ARFGEF3: variants seen among roughly 807,000 people sequenced by gnomAD.
The protein encoded by ARFGEF3 is brefeldin A-inhibited guanine nucleotide-exchange protein 3.
ARFGEF3 carries 96 observed loss-of-function variants against 221.7 expected under a neutral mutation model. That is an observed-to-expected ratio of 0.43 (90% CI 0.37 to 0.51). ARFGEF3 has a LOEUF of 0.51. ARFGEF3 is among the 20% of genes least tolerant of loss of function. The pLI is 0.00. For synonymous variants in ARFGEF3, 1,145 were observed against 1,126.8 expected (o/e 1.02, Z -0.32); for missense variants, 2,410 against 2,789.9 (o/e 0.86, Z 3.07).
At chr6:138,298,938 A>C (rs549471717) in intron 22 of ARFGEF3, among the ~76,000 whole-genome samples, 153 bp downstream of exon 22, 52 of 152,228 alleles carry the variant, frequency 3.4e-4, no homozygotes, top group Non-Finnish European at 5.6e-4. Context: ...GGTGGCTCAC[A>C]CCTGTAATCC....
At chr6:138,303,860 C>CA (rs140349507) in intron 22 of ARFGEF3, among the ~76,000 whole-genome samples, 909 of 20,524 alleles carry the variant, frequency 0.044, 177 homozygotes, top group African/African-American at 0.09. Flanking sequence ...GACTCCGTCT[C>CA]AAAAAAAAAA....
chr6:138,273,133 C>A (rs1274742454), intron 12 of ARFGEF3, among the ~76,000 whole-genome samples: 2 of 151,776 alleles, frequency 1.3e-5, no homozygotes, highest in Admixed American at 6.6e-5. Context: ...AGTGTGATCT[C>A]GCTTTGTGGT....
intron 29 of ARFGEF3, among the ~76,000 whole-genome samples, chr6:138,322,196 A>G (rs1183592282): frequency 6.6e-6 from 1 of 152,140 alleles, no homozygotes; most frequent in Non-Finnish European, 1.5e-5. Context: ...TGCCTGCCTG[A>G]CTGTTTGAGC....
intron 27 of ARFGEF3, among the ~76,000 whole-genome samples, chr6:138,317,741 T>A (rs1779951614): frequency 6.6e-6 from 1 of 152,212 alleles, no homozygotes; most frequent in Non-Finnish European, 1.5e-5. Flanking sequence ...CACAGTCACA[T>A]GCTCTTGGCC....
Position 138,262,712 on chromosome 6 carries a change from G to A in ARFGEF3, c.1229G>A (p.Gly410Asp), listed in dbSNP as rs1213064095. 6.2e-7 allele frequency: 1 copy of A among 1,601,970 alleles called. No individual in the cohort carries two copies. Among genetic ancestry groups the A allele is most frequent in the East Asian group, 2.2e-5 (1 of 44,550 alleles). The part of the protein sequence containing the change: ...HLDLLKLIMD[G>D]MTEACIKGGI... ...TGAACACTGTTTAGCATCATGGATG[G>A]CATGACCGAAGCATGCATCAAGGGT... Residue 410 changes from glycine (G) to aspartate (D), a missense_variant, in exon 12 of 34, where the codon GGC (glycine) becomes GAC (aspartate). Around this residue, in one of 5 missense-constraint regions of ARFGEF3, gnomAD observed 570 missense variants for 586.9 expected, o/e 0.97. Coordinates refer to ENST00000251691, the MANE Select transcript of ARFGEF3 (RefSeq NM_020340.5).
intron 4 of ARFGEF3, among the ~76,000 whole-genome samples, chr6:138,213,627 A>G (rs1777777920): frequency 6.6e-6 from 1 of 151,896 alleles, no homozygotes; most frequent in African/African-American, 2.4e-5. Flanking sequence ...TGGAATCGAA[A>G]AAAGTTGATC....
intron 2 of ARFGEF3, among the ~76,000 whole-genome samples, chr6:138,172,422 C>A (rs1436937517): frequency 1.3e-5 from 2 of 152,176 alleles, no homozygotes; most frequent in African/African-American, 2.4e-5. Context: ...CACCTGTTAC[C>A]CACCTGTGTC....
At chr6:138,194,398 C>T (rs577518180) in intron 2 of ARFGEF3, among the ~76,000 whole-genome samples, 3 of 152,276 alleles carry the variant, frequency 2.0e-5, no homozygotes, top group South Asian at 2.1e-4. Flanking sequence ...GGCGGAAGGG[C>T]GCTGCTCCTG....
intron 4 of ARFGEF3, among the ~76,000 whole-genome samples, chr6:138,221,142 T>C (rs1399487046): frequency 2.0e-5 from 3 of 152,150 alleles, no homozygotes; most frequent in Non-Finnish European, 4.4e-5. Context: ...CTATAAGGTC[T>C]TTCATTTTCT....
chr6:138,334,662 T>C lies in ARFGEF3; in HGVS notation c.5816T>C (p.Ile1939Thr). Residue 1939 changes from isoleucine (I) to threonine (T), a missense_variant, in exon 33 of 34, where the codon ATC becomes ACC. Physicochemically the swap from Ile to Thr is moderately conservative, Grantham distance 89 (BLOSUM62 -1). Coordinates refer to ENST00000251691, the MANE Select transcript of ARFGEF3 (RefSeq NM_020340.5). This position sits in a 1 kb window ranked among gnomAD's most constrained non-coding sequence, Gnocchi z 5.1. ...PPIFKGDPFF[I>T]LPSFQSESST... The stretch of plus-strand genomic sequence containing the variant: ...ATCTTCAAGGGCGACCCGTTCTTCA[T>C]CCTGCCCTCCTTCCAGTCCGAGTCA... 6.2e-7 allele frequency: 1 copy of C among 1,613,222 alleles called. No homozygotes were observed. The highest frequency in any genetic ancestry group is 8.5e-7 in the Non-Finnish European group (1 of 1,179,424).
rs1353677697 is a variant in ARFGEF3 at position 138,338,469 on chromosome 6, TA to T, written c.*1986del. 6.6e-6 allele frequency: 1 copy of T among 152,266 alleles called. No homozygotes were observed. The highest frequency in any genetic ancestry group is 1.9e-4 in the East Asian group (1 of 5,188). 9.4% of individuals were successfully genotyped at this position (152,266 alleles called of 1,614,324 possible). ...AGTATTTATACATAGCAACTTTTCATAAAGTAGAAAAATTCAAAGGAAGCTG... is the reference window on the plus strand; with the variant it reads ...AGTATTTATACATAGCAACTTTTCATAAGTAGAAAAATTCAAAGGAAGCTG... On this transcript the variant is annotated 3_prime_UTR_variant, in exon 34 of 34. Coordinates refer to ENST00000251691, the MANE Select transcript of ARFGEF3 (RefSeq NM_020340.5).
intron 2 of ARFGEF3, among the ~76,000 whole-genome samples, chr6:138,186,902 C>CTTTTTTTTTTTTTTTTTTT (rs71693484): frequency 2.6e-5 from 2 of 76,002 alleles, no homozygotes; most frequent in African/African-American, 5.4e-5. Context: ...CATCCTTTTT[C>CTTTTTTTTTTTTTTTTTTT]TTTTTTTTTT....
At chr6:138,221,122 G>A (rs1777975659) in intron 4 of ARFGEF3, among the ~76,000 whole-genome samples, 1 of 152,132 alleles carries the variant, frequency 6.6e-6, no homozygotes, top group South Asian at 2.1e-4. Context: ...GGGAAGATTG[G>A]TACCTCTTTC....
chr6:138,294,534 A>G (rs1031163829), intron 20 of ARFGEF3, among the ~76,000 whole-genome samples: 10 of 152,182 alleles, frequency 6.6e-5, no homozygotes, highest in African/African-American at 2.4e-4. Flanking sequence ...ATGCAGAAGC[A>G]ACCACTAATT....
intron 2 of ARFGEF3, among the ~76,000 whole-genome samples, chr6:138,198,695 T>C (rs938629376): frequency 1.3e-4 from 12 of 93,864 alleles, no homozygotes; most frequent in Non-Finnish European, 2.1e-4. Context: ...CAAAGCCAGA[T>C]TTTTTTCCAC....
At chr6:138,321,056 A>G in intron 28 of ARFGEF3, 55 bp from the exon 29 acceptor site, 1 of 1,004,554 alleles carries the variant, frequency 1.0e-6, no homozygotes, top group Admixed American at 2.2e-5. Flanking sequence ...GGCCATTTCA[A>G]TCTACCCCTT....
intron 29 of ARFGEF3, among the ~76,000 whole-genome samples, chr6:138,321,480 A>G (rs1780026288): frequency 6.6e-6 from 1 of 152,202 alleles, no homozygotes; most frequent in South Asian, 2.1e-4. Context: ...GGTATATGAA[A>G]AGGTGCTCAG....
intron 12 of ARFGEF3, among the ~76,000 whole-genome samples, chr6:138,264,892 A>AT (rs992822485): frequency 2.0e-5 from 3 of 146,952 alleles, no homozygotes; most frequent in East Asian, 2.0e-4. Context: ...GAAGGAACAA[A>AT]TTTTTTTTTC....
At chr6:138,181,589 A>G (rs1201607443) in intron 2 of ARFGEF3, among the ~76,000 whole-genome samples, 1 of 152,132 alleles carries the variant, frequency 6.6e-6, no homozygotes, top group Non-Finnish European at 1.5e-5. Flanking sequence ...AGTTACAGGC[A>G]TCCACCACCA....
Sources: allele counts gnomAD v4.1 joint callset (sites outside exome capture counted in the v4.1 genomes callset), GRCh38; gene constraint gnomAD v4.1.1; regional missense constraint gnomAD v4.1.1; non-coding constraint Gnocchi (gnomAD v3.1); transcripts MANE v1.5; gene names NCBI Gene and HGNC (gene_info 2026-07-23, HGNC 2026-07-21).